OCA2: variants seen among roughly 807,000 people sequenced by gnomAD.
OCA2 encodes OCA2 melanosomal transmembrane protein, also known as P protein.
In OCA2, 77 loss-of-function variants were observed where a neutral mutation model predicts 100.2. The observed-to-expected ratio is 0.77, with a 90% CI of 0.64 to 0.93. OCA2 has a LOEUF of 0.93. OCA2 is among the 40% of genes least tolerant of loss of function. The pLI, the probability that OCA2 is intolerant of heterozygous loss-of-function variation, is 0.00. For synonymous variants in OCA2, 432 were observed against 439.2 expected (o/e 0.98, Z 0.21); for missense variants, 1,062 against 1,089.1 (o/e 0.98, Z 0.35).
At chr15:28,051,883 C>T (rs2043529578) in intron 2 of OCA2, among the ~76,000 whole-genome samples, 2 of 152,100 alleles carry the variant, frequency 1.3e-5, no homozygotes. Flanking sequence ...TAGCCTTGTG[C>T]CCTGTAGCAC....
At chr15:27,871,131 C>A (rs371591271) in intron 21 of OCA2, 23 bp downstream of exon 21, 8 of 1,579,306 alleles carry the variant, frequency 5.1e-6, no homozygotes, top group Non-Finnish European at 7.0e-6. Context: ...GTTGAGCCGT[C>A]GACATGGACA....
intron 9 of OCA2, among the ~76,000 whole-genome samples, chr15:28,003,659 C>G (rs1328168214): frequency 6.6e-6 from 1 of 151,896 alleles, no homozygotes; most frequent in East Asian, 1.9e-4. Flanking sequence ...AGTGTGCCCC[C>G]CGAACGCTGA....
chr15:27,719,170 T>G, the OCA2 span, among the ~76,000 whole-genome samples: 1 of 152,164 alleles, frequency 6.6e-6, no homozygotes, highest in Admixed American at 6.5e-5. Context: ...AACACTGAGT[T>G]CAAGTCTGAG....
chr15:28,081,948 G>A, intron 1 of OCA2, 53 bp from the exon 2 acceptor site: 2 of 1,430,146 alleles, frequency 1.4e-6, no homozygotes, highest in Non-Finnish European at 9.6e-7. Flanking sequence ...TGAGACTAAC[G>A]TTTGCACCTT....
At chr15:27,926,375 A>C in intron 18 of OCA2, 121 bp from the exon 19 acceptor site, 1 of 1,028,108 alleles carries the variant, frequency 9.7e-7, no homozygotes, top group South Asian at 1.3e-5. Context: ...AACCGCATAT[A>C]TGTAAAATGC....
In OCA2 at chr15:27,844,956, T is replaced by C; in HGVS notation, c.2432+3A>G. On this transcript the variant is annotated splice_donor_region_variant and intron_variant, in intron 23 of 23. Coordinates refer to ENST00000354638, the MANE Select transcript of OCA2 (RefSeq NM_000275.3). Reference sequence around the variant, plus strand: ...AGAAAATTTAAAGGGAATTTAAAAGTACCTGAAAAATTCCATGAAGGAGAA... The same window carrying C: ...AGAAAATTTAAAGGGAATTTAAAAGCACCTGAAAAATTCCATGAAGGAGAA... The C allele has an allele frequency of 1.2e-6, 2 of 1,601,196 alleles. No individual in the cohort carries two copies. The highest frequency in any genetic ancestry group is 1.1e-5 in the South Asian group (1 of 90,750).
At chr15:27,944,383 T>C (rs187312252) in intron 18 of OCA2, among the ~76,000 whole-genome samples, 5 of 152,300 alleles carry the variant, frequency 3.3e-5, no homozygotes, top group Admixed American at 2.0e-4. Flanking sequence ...CAAAACTCAA[T>C]TGCATTTGTA....
intron 23 of OCA2, among the ~76,000 whole-genome samples, chr15:27,776,978 G>GC (rs964095246): frequency 1.3e-5 from 2 of 148,886 alleles, no homozygotes; most frequent in African/African-American, 5.1e-5. Flanking sequence ...GTGAGGTGGG[G>GC]GGGGGTGGGG....
chr15:27,776,974 T>TGGGGGGGGGGGGGGGGGGGGGG (rs368182175), intron 23 of OCA2, among the ~76,000 whole-genome samples: 37 of 43,024 alleles, frequency 8.6e-4, no homozygotes, highest in Non-Finnish European at 1.4e-3. Context: ...GAGCGTGAGG[T>TGGGGGGGGGGGGGGGGGGGGGG]GGGGGGGGGT....
Position 27,848,462 on chromosome 15 carries a change from G to A in OCA2, c.2338+2920C>T, listed in dbSNP as rs368558595. Among the ~76,000 whole-genome samples, 11 of 152,306 alleles carry A rather than the reference G, an allele frequency of 7.2e-5. No homozygotes were observed. In the East Asian group the frequency reaches 1.9e-3, roughly 27 times the overall value. On this transcript the variant is annotated intron_variant, in intron 22 of 23. Transcript: ENST00000354638. The stretch of plus-strand genomic sequence containing the variant: ...ATGTGGTAGGGAGAACAAGGCCCCA[G>A]GTGTCACTTCCCCAGCTCAAGCCTC...
intron 9 of OCA2, among the ~76,000 whole-genome samples, chr15:27,994,951 A>C (rs1012583375): frequency 6.6e-6 from 1 of 152,224 alleles, no homozygotes; most frequent in Non-Finnish European, 1.5e-5. Context: ...ACCAAAAGAC[A>C]GCAGGGATAG....
At chr15:28,074,630 C>T (rs187340693) in intron 2 of OCA2, among the ~76,000 whole-genome samples, 34 of 149,734 alleles carry the variant, frequency 2.3e-4, no homozygotes, top group Admixed American at 1.7e-3. Context: ...GCCGAGATCA[C>T]GCCACTGCAC....
rs1382598153 is a variant in OCA2, at chr15:28,043,137, C to T, written c.228-10974G>A. ...GCCCCAAAGCCTGGGGAGGTATTCA[C>T]TGAGAAATATTTACAGGAGCAATTT... On this transcript the variant is annotated intron_variant, in intron 2 of 23. Transcript: ENST00000354638. This position sits in a 1 kb window ranked among gnomAD's most constrained non-coding sequence, Gnocchi z 4.4. Among the ~76,000 whole-genome samples, 1 of 152,134 alleles carries T rather than the reference C, an allele frequency of 6.6e-6. No individual in the cohort carries two copies. The highest frequency in any genetic ancestry group is 1.5e-5 in the Non-Finnish European group (1 of 68,018).
At chr15:28,003,631 G>T (rs369320484) in intron 9 of OCA2, among the ~76,000 whole-genome samples, 8 of 150,004 alleles carry the variant, frequency 5.3e-5, no homozygotes, top group African/African-American at 2.0e-4. Context: ...GGTGCAGCGC[G>T]TGAGCCGTGC....
intron 19 of OCA2, among the ~76,000 whole-genome samples, chr15:27,919,364 G>A (rs992286557): frequency 6.6e-6 from 1 of 152,150 alleles, no homozygotes; most frequent in African/African-American, 2.4e-5. Flanking sequence ...CTTGGAAGCA[G>A]GCAAGATGTC....
chr15:27,832,951 G>A (rs1009696829), intron 23 of OCA2, among the ~76,000 whole-genome samples: 3 of 151,492 alleles, frequency 2.0e-5, no homozygotes, highest in African/African-American at 4.9e-5. Flanking sequence ...GTAGCTGGGA[G>A]TACAGGCATA....
chr15:27,989,525 C>T, intron 11 of OCA2, 76 bp downstream of exon 11: 1 of 1,177,448 alleles, frequency 8.5e-7, no homozygotes, highest in Non-Finnish European at 1.3e-6. Context: ...AATGAAGGAC[C>T]CTCAGCGGTG....
chr15:27,845,677 C>A (rs2035505836), intron 22 of OCA2, among the ~76,000 whole-genome samples: 1 of 152,190 alleles, frequency 6.6e-6, no homozygotes, highest in South Asian at 2.1e-4. Context: ...CACTCACACC[C>A]AGGGAAGGCC....
intron 18 of OCA2, among the ~76,000 whole-genome samples, chr15:27,929,421 A>G (rs1461180796): frequency 2.0e-5 from 3 of 152,208 alleles, no homozygotes; most frequent in Admixed American, 6.5e-5. Flanking sequence ...ATGGTGCTGG[A>G]ACAGTTGGAT....
Sources: allele counts gnomAD v4.1 joint callset (sites outside exome capture counted in the v4.1 genomes callset), GRCh38; gene constraint gnomAD v4.1.1; non-coding constraint Gnocchi (gnomAD v3.1); transcripts MANE v1.5; gene names NCBI Gene and HGNC (gene_info 2026-07-23, HGNC 2026-07-21).